The following ITSN1 variants were observed in gnomAD, a reference collection of about 807,000 sequenced individuals.
ITSN1 encodes intersectin-1.
A neutral mutation model predicts 239.8 loss-of-function variants in ITSN1; 58 were observed. The ratio of observed to expected loss-of-function variants is 0.24; its 90% CI spans 0.20 to 0.30. The LOEUF is 0.30. Among genes scored for constraint, ITSN1 ranks in the 10% least tolerant of loss-of-function variants. The probability of loss-of-function intolerance (pLI) is 1.00; values close to 1 mark genes in which losing one functional copy is unlikely to be tolerated. For missense variants in ITSN1, 1,558 were observed against 2,103.3 expected, an observed-to-expected ratio of 0.74 and a Z score of 5.07; for synonymous variants, 780 against 770.8, an observed-to-expected ratio of 1.01 and a Z score of -0.20.
chr21:33,892,703 C>T lies in ITSN1; in HGVS notation c.*4403C>T, dbSNP rs1986442729. On this transcript the variant is annotated 3_prime_UTR_variant, in exon 40 of 40. Coordinates refer to ENST00000381318, the MANE Select transcript of ITSN1 (RefSeq NM_003024.3). ...GACATTGATCTAGCAGCCTCCTGCA[C>T]GTAGACACTCAGTTCATTTTAGGGA... 1 of 152,154 alleles carries T rather than the reference C, an allele frequency of 6.6e-6. No homozygotes were observed. Among genetic ancestry groups the T allele is most frequent in the Non-Finnish European group, 1.5e-5 (1 of 68,048 alleles). 9.4% of individuals were successfully genotyped at this position (152,154 alleles called of 1,614,324 possible).
At chr21:33,707,814 G>A (rs1304787470) in intron 1 of ITSN1, among the ~76,000 whole-genome samples, 1 of 152,076 alleles carries the variant, frequency 6.6e-6, no homozygotes, top group East Asian at 1.9e-4. Context: ...TGACATTTGG[G>A]TTTCAGTTTT....
intron 29 of ITSN1, 47 bp downstream of exon 29, chr21:33,836,679 C>T (rs1264308838): frequency 6.3e-6 from 9 of 1,434,288 alleles, no homozygotes; most frequent in African/African-American, 2.8e-5. Flanking sequence ...GGTATCTTCC[C>T]GTAAAACATG....
rs551114178 is a variant in ITSN1 at position 33,750,303 on chromosome 21, G to T, written c.507G>T (p.Leu169=). The T allele has an allele frequency of 4.3e-5, 69 of 1,613,228 alleles. No homozygotes were observed. The Admixed American group carries it at 9.5e-4, about 22-fold the overall frequency. Residue 169 remains leucine, a synonymous_variant, in exon 6 of 40, where the codon CTG becomes CTT. Coordinates refer to ENST00000381318, the MANE Select transcript of ITSN1 (RefSeq NM_003024.3). The part of the protein sequence containing the change: ...ANGAPPVIQP[L]PAFAHPAATL... ...GGGCTCCCCCTGTTATACAACCTCT[G>T]CCTGCATTTGCTCATCCTGGTATGT...
chr21:33,708,763 A>G (rs2092326910), intron 1 of ITSN1, among the ~76,000 whole-genome samples: 1 of 152,176 alleles, frequency 6.6e-6, no homozygotes, highest in Admixed American at 6.6e-5. Flanking sequence ...ATATTCTCCC[A>G]TCTTTTAAGA....
chr21:33,746,227 CA>C (rs778615268), intron 5 of ITSN1, among the ~76,000 whole-genome samples: 5 of 152,318 alleles, frequency 3.3e-5, no homozygotes, highest in Non-Finnish European at 5.9e-5. Context: ...CAACAACCTT[CA>C]GGGGGAAAAT....
chr21:33,858,501 C>T (rs1245928810), intron 30 of ITSN1, among the ~76,000 whole-genome samples, 185 bp from the exon 31 acceptor site: 2 of 152,190 alleles, frequency 1.3e-5, no homozygotes, highest in African/African-American at 2.4e-5. Flanking sequence ...GACCCCCCTC[C>T]GGTTTCCAGG....
chr21:33,816,616 G>A (rs890477164), intron 22 of ITSN1, among the ~76,000 whole-genome samples: 8 of 152,314 alleles, frequency 5.3e-5, no homozygotes, highest in African/African-American at 1.7e-4. Flanking sequence ...AAGCAGACAC[G>A]GGGAAGATTT....
intron 22 of ITSN1, chr21:33,817,756 T>TG (rs2073387044): frequency 1.3e-6 from 1 of 769,840 alleles, no homozygotes; most frequent in Non-Finnish European, 1.8e-6. Flanking sequence ...ACCAAATCCC[T>TG]GTTTTCTCTG....
Position 33,783,285 on chromosome 21 carries a change from A to G in ITSN1, c.1824+1152A>G, listed in dbSNP as rs541255151. ...TCTAAAAACAAAATTAAAAATTAGCATATTTGAAACTTTTATAATAGTTGA... is the reference window on the plus strand; with the variant it reads ...TCTAAAAACAAAATTAAAAATTAGCGTATTTGAAACTTTTATAATAGTTGA... On this transcript the variant is annotated intron_variant, in intron 16 of 39. Coordinates refer to ENST00000381318, the MANE Select transcript of ITSN1 (RefSeq NM_003024.3). Among the ~76,000 whole-genome samples, 9 of 152,342 alleles carry G rather than the reference A, an allele frequency of 5.9e-5. No individual in the cohort carries two copies. The South Asian group carries it at 1.4e-3, about 25-fold the overall frequency.
intron 24 of ITSN1, among the ~76,000 whole-genome samples, chr21:33,821,618 G>A (rs2073681657): frequency 1.3e-5 from 2 of 152,132 alleles, no homozygotes; most frequent in Non-Finnish European, 2.9e-5. Flanking sequence ...TCACCCTAAA[G>A]CCACTCTCAG....
chr21:33,771,425 G>A (rs1252347923), intron 11 of ITSN1, among the ~76,000 whole-genome samples: 1 of 152,110 alleles, frequency 6.6e-6, no homozygotes, highest in African/African-American at 2.4e-5. Flanking sequence ...GACAGTAAGG[G>A]ACAAGGATGA....
At position 33,814,048 on chromosome 21, in the gene ITSN1, C is replaced by T. The variant is rs1387583420; in HGVS notation, c.2703C>T (p.Ser901=). The T allele has an allele frequency of 2.5e-6, 4 of 1,614,176 alleles. No individual in the cohort carries two copies. The highest frequency in any genetic ancestry group is 4.5e-5 in the East Asian group (2 of 44,884). The change falls in exon 22 of 40, where the codon TCC becomes TCT. Residue 901 remains serine (S), a synonymous_variant. Coordinates refer to ENST00000381318, the MANE Select transcript of ITSN1 (RefSeq NM_003024.3). The part of the protein sequence containing the change: ...SAFTPATATG[S]SPSPVLGQGE... ...TTACTCCAGCCACGGCCACTGGCTC[C>T]TCCCCGTCTCCTGTGCTAGGCCAGG...
chr21:33,894,744 CTCT>C lies in ITSN1; in HGVS notation c.*6446_*6448del, dbSNP rs1291805717. ...TGCATTTCTCTTTTTTAACTCAAAT[CTCT>C]TATTTCCTGCCGTTCCTGTATCTAA... On this transcript the variant is annotated 3_prime_UTR_variant, in exon 40 of 40. Coordinates refer to ENST00000381318, the MANE Select transcript of ITSN1 (RefSeq NM_003024.3). 1.3e-5 allele frequency: 2 copies of C among 152,224 alleles called. No homozygotes were observed. Among genetic ancestry groups the C allele is most frequent in the Non-Finnish European group, 2.9e-5 (2 of 68,050 alleles). 9.4% of individuals were successfully genotyped at this position (152,224 alleles called of 1,614,324 possible). A position where few individuals can be genotyped will look rare whatever the true frequency, so the allele number is the denominator to read the frequency against.
At chr21:33,766,830 G>A (rs533945519) in intron 10 of ITSN1, among the ~76,000 whole-genome samples, 3 of 152,216 alleles carry the variant, frequency 2.0e-5, no homozygotes, top group Non-Finnish European at 4.4e-5. Context: ...TAATGAATGC[G>A]TAAAAAGGAT....
At chr21:33,770,203 A>G (rs1203491009) in intron 11 of ITSN1, among the ~76,000 whole-genome samples, 1 of 152,034 alleles carries the variant, frequency 6.6e-6, no homozygotes, top group Non-Finnish European at 1.5e-5. Flanking sequence ...AGCTGGGACT[A>G]CAGGCATGTG....
At chr21:33,842,820 G>A (rs1054283525) in intron 29 of ITSN1, among the ~76,000 whole-genome samples, 9 of 152,158 alleles carry the variant, frequency 5.9e-5, no homozygotes, top group African/African-American at 2.2e-4. Flanking sequence ...TCTGACCCAG[G>A]AGAGGGGAGA....
chr21:33,839,552 T>G (rs1452112445), intron 29 of ITSN1, among the ~76,000 whole-genome samples: 2 of 152,148 alleles, frequency 1.3e-5, no homozygotes, highest in Non-Finnish European at 2.9e-5. Flanking sequence ...TGTGGAGCAG[T>G]GGTTGAGTCT....
chr21:33,696,023 A>T (rs941600936), intron 1 of ITSN1, among the ~76,000 whole-genome samples: 1 of 152,206 alleles, frequency 6.6e-6, no homozygotes, highest in African/African-American at 2.4e-5. Flanking sequence ...ATGTTATTGA[A>T]TGGTTTTTAG....
At chr21:33,778,576 T>G (rs939105461) in intron 14 of ITSN1, among the ~76,000 whole-genome samples, 9 of 114,494 alleles carry the variant, frequency 7.9e-5, no homozygotes, top group African/African-American at 3.6e-4. Context: ...ATTCTCTTTT[T>G]TTTTTTTTTT....
Sources: gnomAD v4.1 joint callset for allele counts (sites outside exome capture counted in the v4.1 genomes callset) on GRCh38, gnomAD v4.1.1 for gene constraint, MANE v1.5 for transcripts, NCBI Gene and HGNC (gene_info 2026-07-23, HGNC 2026-07-21) for gene names.